Variants in AMOTL1 observed in about 807,000 individuals in gnomAD.
AMOTL1 encodes the protein angiomotin-like protein 1.
A neutral mutation model predicts 102.9 loss-of-function variants in AMOTL1; 45 were observed. The ratio of observed to expected loss-of-function variants is 0.44; its 90% confidence interval spans 0.34 to 0.56. The LOEUF is 0.56. AMOTL1 is among the 20% of genes least tolerant of loss of function. The probability of loss-of-function intolerance (pLI) is 0.01; values close to 1 mark genes in which losing one functional copy is unlikely to be tolerated. For synonymous variants in AMOTL1, 481 were observed against 484.7 expected (o/e 0.99, Z 0.10); for missense variants, 1,114 against 1,225.6 (o/e 0.91, Z 1.36).
chr11:94,811,604 A>G (rs1210173231), intron 3 of AMOTL1, among the ~76,000 whole-genome samples: 2 of 151,344 alleles, frequency 1.3e-5, no homozygotes, highest in African/African-American at 2.4e-5. Flanking sequence ...CTTGTTCCCC[A>G]TAATTTGAAA....
At chr11:94,753,869 G>T (rs1287381124) in intron 3 of AMOTL1, among the ~76,000 whole-genome samples, 2 of 152,194 alleles carry the variant, frequency 1.3e-5, no homozygotes, top group African/African-American at 2.4e-5. Context: ...CTAGGCTCAG[G>T]CATGTGAAGG....
intron 1 of AMOTL1, among the ~76,000 whole-genome samples, chr11:94,707,250 C>CTCTCTCTG (rs1338023479): frequency 2.0e-3 from 140 of 71,782 alleles, no homozygotes; most frequent in African/African-American, 5.2e-3. Context: ...CTCTCTCTCT[C>CTCTCTCTG]TGTGTGTGTG....
chr11:94,827,480 G>A lies in AMOTL1; in HGVS notation c.1414-2570G>A, dbSNP rs1467446258. On this transcript the variant is annotated intron_variant, in intron 4 of 12. Transcript: ENST00000433060. Reference sequence around the variant, plus strand: ...AAAATCAGCAAAGAAGTGTTAGTGTGTCTGGGAGCCATCTCTTTTGTGAAT... The same window carrying A: ...AAAATCAGCAAAGAAGTGTTAGTGTATCTGGGAGCCATCTCTTTTGTGAAT... Among the ~76,000 whole-genome samples, 3 of 152,206 alleles carry A rather than the reference G, an allele frequency of 2.0e-5. No individual in the cohort carries two copies. In the South Asian group the frequency reaches 6.2e-4, roughly 32 times the overall value.
rs1282066650 is a variant in AMOTL1 at position 94,799,879 on chromosome 11, C to A, written c.689C>A (p.Thr230Asn). 1.9e-6 allele frequency: 3 copies of A among 1,596,078 alleles called. No individual in the cohort carries two copies. The highest frequency in any genetic ancestry group is 1.7e-4 in the Middle Eastern group (1 of 5,974). The change falls in exon 3 of 13, where the codon ACT becomes AAT. Residue 230 changes from threonine (T) to asparagine (N), a missense_variant. Thr to Asn is a moderately conservative substitution (Grantham distance 65). Coordinates refer to ENST00000433060, the MANE Select transcript of AMOTL1 (RefSeq NM_130847.3). This position sits in a 1 kb window ranked among gnomAD's most constrained non-coding sequence, Gnocchi z 4.5. Reference protein sequence around the residue: ...MAGGTSQKSRTEGRPTVNRAN... With the variant: ...MAGGTSQKSRNEGRPTVNRAN... ...GGGGGCACCAGTCAGAAGTCCCGAA[C>A]TGAGGGGAGGCCCACTGTGAACCGT...
chr11:94,834,288 A>G (rs1952129309), intron 6 of AMOTL1, among the ~76,000 whole-genome samples: 1 of 152,152 alleles, frequency 6.6e-6, no homozygotes, highest in Non-Finnish European at 1.5e-5. Flanking sequence ...GCAAGACTGC[A>G]ATAGAAGTTA....
intron 6 of AMOTL1, among the ~76,000 whole-genome samples, chr11:94,847,756 G>A (rs1229220048): frequency 6.8e-6 from 1 of 146,166 alleles, no homozygotes; most frequent in South Asian, 2.3e-4. Context: ...TATATGCGGT[G>A]GGGGGGTGTT....
intron 3 of AMOTL1, among the ~76,000 whole-genome samples, chr11:94,808,125 C>T (rs1261407469): frequency 7.1e-6 from 1 of 140,898 alleles, no homozygotes; most frequent in African/African-American, 2.7e-5. Flanking sequence ...AAACTATATA[C>T]TTTCCTCACA....
intron 8 of AMOTL1, 29 bp downstream of exon 8, chr11:94,854,111 G>T: frequency 6.7e-7 from 1 of 1,501,418 alleles, no homozygotes. Context: ...ACTGGTGAAA[G>T]AATTAGATAT....
At chr11:94,744,097 A>G (rs1438262575) in intron 3 of AMOTL1, among the ~76,000 whole-genome samples, 2 of 152,188 alleles carry the variant, frequency 1.3e-5, no homozygotes, top group South Asian at 2.1e-4. Flanking sequence ...CACAGGCCCT[A>G]TAGGTTAAGA....
chr11:94,806,222 G>A (rs1951565936), intron 3 of AMOTL1, among the ~76,000 whole-genome samples: 1 of 152,176 alleles, frequency 6.6e-6, no homozygotes, highest in Admixed American at 6.5e-5. Flanking sequence ...AGTGCAGCAA[G>A]TCCAGTCTAA....
At chr11:94,833,188 G>T (rs949862913) in intron 6 of AMOTL1, among the ~76,000 whole-genome samples, 3 of 152,198 alleles carry the variant, frequency 2.0e-5, no homozygotes, top group African/African-American at 7.2e-5. Context: ...TCTCAGTGTC[G>T]ATATGTAATG....
At chr11:94,850,373 G>GA in intron 7 of AMOTL1, 114 bp downstream of exon 7, 2 of 1,334,444 alleles carry the variant, frequency 1.5e-6, no homozygotes, top group Non-Finnish European at 2.0e-6. Flanking sequence ...AAGGAGTTGA[G>GA]ACAGGGGAGG....
At chr11:94,844,097 G>A (rs922698958) in intron 6 of AMOTL1, among the ~76,000 whole-genome samples, 2 of 152,082 alleles carry the variant, frequency 1.3e-5, no homozygotes. Flanking sequence ...TCAGTTATTA[G>A]CATTTCTGAG....
intron 1 of AMOTL1, among the ~76,000 whole-genome samples, chr11:94,713,790 T>G (rs1318410236): frequency 2.0e-5 from 3 of 151,936 alleles, no homozygotes; most frequent in Non-Finnish European, 2.9e-5. Flanking sequence ...TTCTTTTTCT[T>G]TTTTCTTTGG....
At chr11:94,870,259 G>T (rs1440681082) in intron 12 of AMOTL1, among the ~76,000 whole-genome samples, 1 of 152,186 alleles carries the variant, frequency 6.6e-6, no homozygotes, top group East Asian at 1.9e-4. Flanking sequence ...GGCTCTGTGG[G>T]CCCTAAGTTA....
chr11:94,828,224 T>C (rs1435201028), intron 4 of AMOTL1, among the ~76,000 whole-genome samples: 1 of 152,206 alleles, frequency 6.6e-6, no homozygotes, highest in Non-Finnish European at 1.5e-5. Flanking sequence ...TTGTATTTGC[T>C]TTCTTTCTTC....
chr11:94,787,896 T>C (rs531309273), intron 1 of AMOTL1, among the ~76,000 whole-genome samples: 61 of 152,108 alleles, frequency 4.0e-4, no homozygotes, highest in African/African-American at 1.4e-3. Context: ...ATTGGAAGGC[T>C]CAGAAAATGG....
intron 1 of AMOTL1, among the ~76,000 whole-genome samples, chr11:94,719,542 G>A (rs1233245920): frequency 1.3e-5 from 2 of 150,474 alleles, no homozygotes; most frequent in Non-Finnish European, 3.0e-5. Context: ...AGATATATTA[G>A]TAAGACAAAA....
chr11:94,832,998 G>A (rs1952104412), intron 6 of AMOTL1, among the ~76,000 whole-genome samples: 1 of 152,216 alleles, frequency 6.6e-6, no homozygotes, highest in Non-Finnish European at 1.5e-5. Context: ...AGTGCTGTGT[G>A]AACTCAGAAA....
Sources: gnomAD v4.1 joint callset for allele counts (sites outside exome capture counted in the v4.1 genomes callset) on GRCh38, gnomAD v4.1.1 for gene constraint, Gnocchi (gnomAD v3.1) non-coding constraint, MANE v1.5 for transcripts, NCBI Gene and HGNC (gene_info 2026-07-23, HGNC 2026-07-21) for gene names.